Variants in TNPO3 observed in about 807,000 individuals in gnomAD.
TNPO3 encodes the protein transportin 3, also known as transportin-3.
Under a neutral mutation model 122.8 loss-of-function variants are expected in TNPO3, and 65 were observed. The ratio of observed to expected loss-of-function variants is 0.53; its 90% CI spans 0.43 to 0.65. The LOEUF is 0.65. Among genes scored for constraint, TNPO3 ranks in the 30% least tolerant of loss-of-function variants. The pLI is 0.00. For missense variants in TNPO3, 850 were observed against 1,136.7 expected, an observed-to-expected ratio of 0.75 and a Z score of 3.63; for synonymous variants, 372 against 411.2, an observed-to-expected ratio of 0.90 and a Z score of 1.15.
chr7:128,991,886 G>T, intron 10 of TNPO3, 113 bp downstream of exon 10: 1 of 586,084 alleles, frequency 1.7e-6, no homozygotes, highest in Non-Finnish European at 2.8e-6. Context: ...CACAACAGAA[G>T]TAAGAAGTTC....
chr7:128,977,109 G>A (rs1563090914), intron 16 of TNPO3, among the ~76,000 whole-genome samples: 1 of 151,958 alleles, frequency 6.6e-6, no homozygotes. Flanking sequence ...CAAGGCCACT[G>A]ACTATCAATT....
chr7:129,037,787 C>T (rs556674915), intron 1 of TNPO3, among the ~76,000 whole-genome samples: 40 of 152,182 alleles, frequency 2.6e-4, no homozygotes, highest in African/African-American at 7.9e-4. Flanking sequence ...AAAAGAAAAA[C>T]CTCTACCCCT....
In TNPO3 at chr7:128,967,508, C is replaced by G. The variant is rs1798037803; in HGVS notation, c.2599-116G>C. 4 of 645,118 alleles carry G rather than the reference C, an allele frequency of 6.2e-6. No individual in the cohort carries two copies. In the Admixed American group the frequency reaches 1.0e-4, roughly 17 times the overall value. The allele number at this position is 645,118 out of a possible 1,614,324, so 40.0% of individuals were successfully genotyped here. ...CCTTAGTAGCATTTACTTCCCTACA[C>G]TTGGGAGCAAGTAAAGGAATCAACA... On this transcript the variant is annotated intron_variant, in intron 20 of 22. Coordinates refer to ENST00000265388, the MANE Select transcript of TNPO3 (RefSeq NM_012470.4).
chr7:129,010,495 G>T (rs1803068307), intron 4 of TNPO3, among the ~76,000 whole-genome samples: 2 of 152,240 alleles, frequency 1.3e-5, no homozygotes, highest in South Asian at 4.1e-4. Context: ...TTAAGGTAGG[G>T]ATTATCTACT....
At chr7:128,999,646 C>T (rs1407863519) in intron 7 of TNPO3, among the ~76,000 whole-genome samples, 1 of 148,480 alleles carries the variant, frequency 6.7e-6, no homozygotes, top group Non-Finnish European at 1.5e-5. Flanking sequence ...GAGTTTCGCT[C>T]GTCTCCCAGG....
At position 129,054,897 on chromosome 7, in the gene TNPO3, CT is replaced by C; in HGVS notation, c.-128del. ...TCCCTGACTGGCGCCATCTCCTCCT[CT>C]TTGGCCGTTACCAGGGCAGAAGGCT... On this transcript the variant is annotated 5_prime_UTR_variant, in exon 1 of 23. Coordinates refer to ENST00000265388, the MANE Select transcript of TNPO3 (RefSeq NM_012470.4). 7.6e-7 allele frequency: 1 copy of C among 1,319,214 alleles called. No individual in the cohort carries two copies. Among genetic ancestry groups the C allele is most frequent in the Non-Finnish European group, 1.0e-6 (1 of 952,936 alleles). The allele number at this position is 1,319,214 out of a possible 1,614,324, so 81.7% of individuals were successfully genotyped here. A position where few individuals can be genotyped will look rare whatever the true frequency, so the allele number is the denominator to read the frequency against.
chr7:128,976,294 G>T (rs1799051667), intron 16 of TNPO3, among the ~76,000 whole-genome samples: 1 of 152,140 alleles, frequency 6.6e-6, no homozygotes, highest in Non-Finnish European at 1.5e-5. Flanking sequence ...CTTTTAAATA[G>T]GATATATAGC....
chr7:129,050,402 G>C (rs1309236442), intron 1 of TNPO3, among the ~76,000 whole-genome samples: 1 of 66,014 alleles, frequency 1.5e-5, no homozygotes, highest in East Asian at 3.2e-4. Flanking sequence ...AAAAAAAAAA[G>C]GGTGGGGGGG....
chr7:129,038,323 A>G (rs773291069), intron 1 of TNPO3, among the ~76,000 whole-genome samples: 1 of 152,202 alleles, frequency 6.6e-6, no homozygotes, highest in Non-Finnish European at 1.5e-5. Context: ...GGACAAAGCA[A>G]AAAATAACAG....
intron 10 of TNPO3, among the ~76,000 whole-genome samples, chr7:128,990,970 A>C (rs1446746599): frequency 7.2e-6 from 1 of 139,100 alleles, no homozygotes; most frequent in African/African-American, 2.5e-5. Context: ...CTTGAAATGC[A>C]TATAAACAAA....
At chr7:129,032,775 C>G (rs1382688807) in intron 1 of TNPO3, among the ~76,000 whole-genome samples, 1 of 152,146 alleles carries the variant, frequency 6.6e-6, no homozygotes, top group Non-Finnish European at 1.5e-5. Flanking sequence ...GATTTCAGTA[C>G]TACCCAACAT....
rs1367250820 is a variant in TNPO3, at chr7:128,954,764, T to C, written c.*653A>G. 2 of 153,582 alleles carry C rather than the reference T, an allele frequency of 1.3e-5. No homozygotes were observed. Among genetic ancestry groups the C allele is most frequent in the African/African-American group, 4.8e-5 (2 of 41,524 alleles). 9.5% of individuals were successfully genotyped at this position (153,582 alleles called of 1,614,324 possible). On this transcript the variant is annotated 3_prime_UTR_variant, in exon 23 of 23. Coordinates refer to ENST00000265388, the MANE Select transcript of TNPO3 (RefSeq NM_012470.4). ...AACTCTAAAGGTGGGAAGAAACAGCTGGGGAAGGTAGAAGAAATTTCTACT... is the reference window on the plus strand; with the variant it reads ...AACTCTAAAGGTGGGAAGAAACAGCCGGGGAAGGTAGAAGAAATTTCTACT...
intron 4 of TNPO3, among the ~76,000 whole-genome samples, chr7:129,010,921 A>G (rs539392827): frequency 2.1e-5 from 2 of 97,252 alleles, no homozygotes; most frequent in South Asian, 7.7e-4. Flanking sequence ...GAGAAGCTCT[A>G]TATCTACAAA....
rs375951853 is a variant in TNPO3, at chr7:129,005,452, C to T, written c.553-293G>A. 4.6e-5 allele frequency among the ~76,000 whole-genome samples: 7 copies of T among 152,272 alleles called. No homozygotes were observed. The South Asian group carries it at 1.2e-3, about 27-fold the overall frequency. ...GAAATGGTTTCGTTCTGTGTCCCCACCCAAATTTCATGTCAAATTGTAATC... is the reference window on the plus strand; with the variant it reads ...GAAATGGTTTCGTTCTGTGTCCCCATCCAAATTTCATGTCAAATTGTAATC... On this transcript the variant is annotated intron_variant, in intron 4 of 22. Transcript: ENST00000265388.
intron 15 of TNPO3, 53 bp from the exon 16 acceptor site, chr7:128,979,176 T>C (rs1050313005): frequency 5.7e-5 from 91 of 1,601,970 alleles, no homozygotes; most frequent in Non-Finnish European, 7.3e-5. Flanking sequence ...AACTAGGACC[T>C]GAAAAACTGC....
At chr7:129,012,602 CT>C (rs1408252459) in intron 4 of TNPO3, among the ~76,000 whole-genome samples, 1 of 152,062 alleles carries the variant, frequency 6.6e-6, no homozygotes, top group African/African-American at 2.4e-5. Context: ...CTAAATACTA[CT>C]TTTTTTACCC....
In TNPO3 at chr7:128,986,775, G is replaced by C. The variant is rs377443861; in HGVS notation, c.1644C>G (p.Leu548=). Residue 548 remains leucine, a synonymous_variant, in exon 12 of 23, where the codon CTC becomes CTG. Transcript: ENST00000265388. ...FNGLLEIARS[L]DSFLLSPEAA... ...CTTCTGGAGACAACAGGAAGGAATC[G>C]AGGGAGCGGGCAATCTCCAGGAGTC... 1.2e-6 allele frequency: 2 copies of C among 1,613,988 alleles called. No individual in the cohort carries two copies. The highest frequency in any genetic ancestry group is 1.7e-6 in the Non-Finnish European group (2 of 1,179,924).
intron 21 of TNPO3, among the ~76,000 whole-genome samples, chr7:128,957,914 G>A (rs1797054597): frequency 1.3e-5 from 2 of 152,264 alleles, no homozygotes; most frequent in Non-Finnish European, 2.9e-5. Context: ...GTTAAAGCAT[G>A]TAGAAAGAGA....
At chr7:128,979,646 T>C (rs1697168926) in intron 15 of TNPO3, among the ~76,000 whole-genome samples, 1 of 152,202 alleles carries the variant, frequency 6.6e-6, no homozygotes, top group South Asian at 2.1e-4. Flanking sequence ...AAGTATGTCA[T>C]CACTGAGGAA....
Sources: allele counts gnomAD v4.1 joint callset (sites outside exome capture counted in the v4.1 genomes callset), GRCh38; gene constraint gnomAD v4.1.1; transcripts MANE v1.5; gene names NCBI Gene and HGNC (gene_info 2026-07-23, HGNC 2026-07-21).